Variants in CALN1 observed in about 807,000 individuals in gnomAD.
CALN1 encodes calneuron 1.
Under a neutral mutation model 30.6 loss-of-function variants are expected in CALN1, and 17 were observed. That is an observed-to-expected ratio of 0.56 (90% CI 0.38 to 0.83). CALN1 has a LOEUF of 0.83. CALN1 is among the 40% of genes least tolerant of loss of function. The probability of loss-of-function intolerance (pLI) is 0.00; values close to 1 mark genes in which losing one functional copy is unlikely to be tolerated. For synonymous variants in CALN1, 156 were observed against 131.4 expected (o/e 1.19, Z -1.28); for missense variants, 291 against 354.9 (o/e 0.82, Z 1.45).
At chr7:71,860,138 G>A (rs1343054682) in intron 5 of CALN1, among the ~76,000 whole-genome samples, 1 of 151,822 alleles carries the variant, frequency 6.6e-6, no homozygotes, top group Non-Finnish European at 1.5e-5. Context: ...TAGGGTGGGT[G>A]CATTCCTCCT....
intron 4 of CALN1, among the ~76,000 whole-genome samples, chr7:72,036,233 A>G (rs1004537401): frequency 3.3e-5 from 5 of 152,154 alleles, no homozygotes; most frequent in Non-Finnish European, 7.3e-5. Flanking sequence ...TGACAATCTC[A>G]TATGTGATGA....
intron 5 of CALN1, among the ~76,000 whole-genome samples, chr7:71,861,046 G>A (rs1400281889): frequency 2.6e-5 from 4 of 152,114 alleles, no homozygotes; most frequent in Admixed American, 6.5e-5. Context: ...GATACAGAGA[G>A]GCAGAACAAG....
chr7:72,256,562 A>G (rs1363137130), intron 3 of CALN1, among the ~76,000 whole-genome samples: 5 of 152,090 alleles, frequency 3.3e-5, no homozygotes, highest in East Asian at 3.9e-4. Context: ...TCCCTTTCAC[A>G]TTAAAATATC....
chr7:72,408,102 T>C (rs774504451), intron 1 of CALN1, among the ~76,000 whole-genome samples: 2 of 151,984 alleles, frequency 1.3e-5, no homozygotes, highest in Non-Finnish European at 2.9e-5. Flanking sequence ...ACACATTTAA[T>C]CAATGCCAGT....
intron 2 of CALN1, among the ~76,000 whole-genome samples, chr7:72,303,466 A>T (rs1231161070): frequency 6.6e-6 from 1 of 152,054 alleles, no homozygotes; most frequent in Non-Finnish European, 1.5e-5. Context: ...CTGAGACAGG[A>T]CAATCCCTTA....
chr7:72,287,201 C>G (rs771264164), intron 2 of CALN1, among the ~76,000 whole-genome samples: 1 of 152,050 alleles, frequency 6.6e-6, no homozygotes, highest in Non-Finnish European at 1.5e-5. Flanking sequence ...ACCACCTACT[C>G]TATTCTTTCA....
At chr7:71,795,762 A>G (rs1426969581) in intron 6 of CALN1, among the ~76,000 whole-genome samples, 5 of 149,892 alleles carry the variant, frequency 3.3e-5, no homozygotes, top group Non-Finnish European at 5.9e-5. Flanking sequence ...TTCTTTTAGC[A>G]TAATTTTTCA....
intron 3 of CALN1, among the ~76,000 whole-genome samples, chr7:72,208,263 G>A (rs149026153): frequency 2.6e-5 from 4 of 152,140 alleles, no homozygotes; most frequent in Admixed American, 6.6e-5. Flanking sequence ...CGTTGAATAG[G>A]ACTTACAAGA....
intron 5 of CALN1, among the ~76,000 whole-genome samples, chr7:71,894,329 G>C (rs921055989): frequency 6.6e-6 from 1 of 152,154 alleles, no homozygotes; most frequent in African/African-American, 2.4e-5. Context: ...ATCTTGCTCT[G>C]TTGCCTAGGC....
chr7:72,318,131 C>G (rs6968408), intron 2 of CALN1, among the ~76,000 whole-genome samples: 17 of 152,102 alleles, frequency 1.1e-4, no homozygotes, highest in African/African-American at 4.1e-4. Flanking sequence ...ATCCCTATTT[C>G]AAAGGACTCT....
chr7:72,057,886 C>T (rs138294805), intron 4 of CALN1, among the ~76,000 whole-genome samples: 26 of 152,238 alleles, frequency 1.7e-4, no homozygotes, highest in African/African-American at 5.1e-4. Context: ...AGTCTTCAAG[C>T]GTCTACATGA....
chr7:72,102,971 G>A (rs768706941), intron 4 of CALN1, among the ~76,000 whole-genome samples: 1 of 151,656 alleles, frequency 6.6e-6, no homozygotes, highest in Non-Finnish European at 1.5e-5. Context: ...TACTTGGGAG[G>A]CTGAGGCAGG....
At chr7:71,913,223 T>C (rs11772460) in intron 5 of CALN1, among the ~76,000 whole-genome samples, 25,696 of 152,196 alleles carry the variant, frequency 0.17, 2,495 homozygotes, top group Non-Finnish European at 0.22. Flanking sequence ...GGCCAGGGCA[T>C]GGAAGATGGC....
chr7:72,270,023 C>T (rs1429845038), intron 3 of CALN1, among the ~76,000 whole-genome samples: 2 of 151,768 alleles, frequency 1.3e-5, no homozygotes, highest in Non-Finnish European at 2.9e-5. Flanking sequence ...GGGTATCTCA[C>T]CAAAGAAATG....
intron 4 of CALN1, among the ~76,000 whole-genome samples, chr7:72,031,732 TA>T (rs1439696706): frequency 7.2e-6 from 1 of 139,018 alleles, no homozygotes; most frequent in Admixed American, 7.2e-5. Flanking sequence ...CACGCCTGGC[TA>T]ATTTTTTTTT....
At chr7:71,863,025 G>A (rs1053296749) in intron 5 of CALN1, among the ~76,000 whole-genome samples, 2 of 123,154 alleles carry the variant, frequency 1.6e-5, no homozygotes, top group Non-Finnish European at 3.2e-5. Flanking sequence ...TTGGGAAGCC[G>A]AAATGAGTGG....
chr7:72,408,200 A>AG (rs1005021265), intron 1 of CALN1, among the ~76,000 whole-genome samples: 31 of 151,698 alleles, frequency 2.0e-4, no homozygotes, highest in South Asian at 6.3e-4. Flanking sequence ...TGGGAGGCCA[A>AG]GGGGGGTGGA....
rs553039280 is a variant in CALN1 at position 72,072,120 on chromosome 7, G to A, written c.388+34031C>T. 5.3e-5 allele frequency among the ~76,000 whole-genome samples: 8 copies of A among 152,204 alleles called. No homozygotes were observed. In the East Asian group the frequency reaches 9.7e-4, roughly 18 times the overall value. ...GGGAATATCTGAAGATATAGTGGCT[G>A]GAAACTCCCCCAATCTGATGAAAGA... On this transcript the variant is annotated intron_variant, in intron 4 of 6. Transcript: ENST00000395275.
intron 2 of CALN1, among the ~76,000 whole-genome samples, chr7:72,297,558 A>G (rs895995672): frequency 6.6e-6 from 1 of 152,232 alleles, no homozygotes; most frequent in African/African-American, 2.4e-5. Flanking sequence ...TTTTAGCGAA[A>G]ACAAGATGAT....
Sources: allele counts gnomAD v4.1 joint callset (sites outside exome capture counted in the v4.1 genomes callset), GRCh38; gene constraint gnomAD v4.1.1; transcripts MANE v1.5; gene names NCBI Gene and HGNC (gene_info 2026-07-23, HGNC 2026-07-21).